CAPN9: variants seen among roughly 807,000 people sequenced by gnomAD.
CAPN9 encodes calpain-9.
Under a neutral mutation model 92.8 loss-of-function variants are expected in CAPN9, and 81 were observed. The ratio of observed to expected loss-of-function variants is 0.87; its 90% CI spans 0.73 to 1.05. The LOEUF (loss-of-function observed/expected upper bound fraction) is 1.05, where lower values mean the gene tolerates loss of function less well. Ranked by LOEUF, CAPN9 falls within the 50% of genes least tolerant of loss-of-function variation. CAPN9 has a pLI of 0.00. For missense variants in CAPN9, 848 were observed against 866.2 expected (o/e 0.98, Z 0.26); for synonymous variants, 304 against 328.0 (o/e 0.93, Z 0.79).
chr1:230,790,281 G>A, intron 14 of CAPN9, 92 bp downstream of exon 14: 1 of 1,527,404 alleles, frequency 6.5e-7, no homozygotes, highest in Non-Finnish European at 8.8e-7. Flanking sequence ...CCGAGCCGCA[G>A]ATCTGCTTCC....
chr1:230,767,139 A>G (rs577809753), intron 4 of CAPN9, among the ~76,000 whole-genome samples: 1 of 152,336 alleles, frequency 6.6e-6, no homozygotes, highest in Non-Finnish European at 1.5e-5. Flanking sequence ...ATGGGAGGTT[A>G]GAGAGTGAGA....
At chr1:230,769,535 T>G (rs1666239576) in intron 6 of CAPN9, among the ~76,000 whole-genome samples, 2 of 152,232 alleles carry the variant, frequency 1.3e-5, no homozygotes, top group Admixed American at 1.3e-4. Context: ...TCTCCTTCAG[T>G]CCTGTGTTAG....
At chr1:230,768,855 G>T (rs150893492) in intron 5 of CAPN9, among the ~76,000 whole-genome samples, 1 of 152,194 alleles carries the variant, frequency 6.6e-6, no homozygotes, top group Non-Finnish European at 1.5e-5. Flanking sequence ...TTCGTCTCTG[G>T]GATGTATGTG....
At chr1:230,765,229 A>G (rs1665902694) in intron 4 of CAPN9, among the ~76,000 whole-genome samples, 1 of 148,984 alleles carries the variant, frequency 6.7e-6, no homozygotes, top group Non-Finnish European at 1.5e-5. Flanking sequence ...ACACACACAC[A>G]CACACACACA....
chr1:230,800,527 G>A (rs1558124692), intron 19 of CAPN9, among the ~76,000 whole-genome samples: 2 of 152,076 alleles, frequency 1.3e-5, no homozygotes, highest in African/African-American at 2.4e-5. Flanking sequence ...CAGCTTCAAG[G>A]TAGAAGTGTG....
At chr1:230,747,830 A>C (rs546282578) in intron 1 of CAPN9, 121 bp downstream of exon 1, 1 of 820,898 alleles carries the variant, frequency 1.2e-6, no homozygotes, top group East Asian at 2.7e-5. Flanking sequence ...GAGGTGCATC[A>C]TCCCAGTCTA....
chr1:230,784,801 A>G (rs1053437415), intron 11 of CAPN9, among the ~76,000 whole-genome samples: 3 of 152,274 alleles, frequency 2.0e-5, no homozygotes, highest in African/African-American at 7.2e-5. Flanking sequence ...CAGAGTCCCC[A>G]CTGGGGTACT....
At chr1:230,768,037 TAAATAA>T (rs2102865106) in intron 5 of CAPN9, among the ~76,000 whole-genome samples, 1 of 108,276 alleles carries the variant, frequency 9.2e-6, no homozygotes, top group East Asian at 2.3e-4. Context: ...AATAAATAAA[TAAATAA>T]ATAAATAAAT....
intron 4 of CAPN9, among the ~76,000 whole-genome samples, chr1:230,765,751 G>C (rs1313529929): frequency 1.3e-5 from 2 of 152,180 alleles, no homozygotes; most frequent in African/African-American, 4.8e-5. Flanking sequence ...ATAAATGATT[G>C]TATAAATAAA....
At chr1:230,775,535 CA>C (rs1481091301) in intron 8 of CAPN9, among the ~76,000 whole-genome samples, 1 of 152,120 alleles carries the variant, frequency 6.6e-6, no homozygotes, top group Non-Finnish European at 1.5e-5. Flanking sequence ...CCTGTGAGAC[CA>C]CAAATTTCTG....
intron 16 of CAPN9, 140 bp downstream of exon 16, chr1:230,792,634 T>C: frequency 1.3e-6 from 1 of 790,154 alleles, no homozygotes; most frequent in Non-Finnish European, 2.2e-6. Flanking sequence ...AACAGCATCA[T>C]GCTATTCCGA....
intron 7 of CAPN9, among the ~76,000 whole-genome samples, chr1:230,772,980 C>A (rs1391007073): frequency 6.6e-6 from 1 of 151,854 alleles, no homozygotes; most frequent in Non-Finnish European, 1.5e-5. Context: ...GTTGCTCGTC[C>A]GCTGCTTGTT....
At chr1:230,750,455 T>A (rs763737544) in intron 1 of CAPN9, among the ~76,000 whole-genome samples, 1 of 152,158 alleles carries the variant, frequency 6.6e-6, no homozygotes, top group Non-Finnish European at 1.5e-5. Context: ...AAGCTTTACA[T>A]CATATCTTAC....
chr1:230,776,353 G>A (rs1321015176), intron 8 of CAPN9: 2 of 152,160 alleles, frequency 1.3e-5, no homozygotes, highest in East Asian at 1.9e-4. Flanking sequence ...TCGAGGGTTA[G>A]GATTCAACAT....
rs200084465 is a variant in CAPN9, at chr1:230,774,568, G to A, written c.890G>A (p.Arg297His). Residue 297 changes from arginine to histidine, a missense_variant, in exon 8 of 20, where the codon CGT becomes CAT. Transcript: ENST00000271971. ...TTTACTCCTAGTTCTCCGGAGTGGC[G>A]TTCTGTTGGTCCAGCTGAGCAGAAG... ...GSWSDSSPEW[R>H]SVGPAEQKRL... 53 of 1,613,528 alleles carry A rather than the reference G, an allele frequency of 3.3e-5. 1 individual carries two copies. Among genetic ancestry groups the A allele is most frequent in the East Asian group, 4.5e-5 (2 of 44,864 alleles).
Position 230,793,077 on chromosome 1 carries a change from G to A in CAPN9, c.1870+149G>A, listed in dbSNP as rs553892752. On this transcript the variant is annotated intron_variant, in intron 17 of 19. Transcript: ENST00000271971. ...TTCTTAAGGTCACGGCCCTTGGAGTGGTGGCACCAGGGTTCAGACCCAGGA... is the reference window on the plus strand; with the variant it reads ...TTCTTAAGGTCACGGCCCTTGGAGTAGTGGCACCAGGGTTCAGACCCAGGA... The A allele has an allele frequency of 7.4e-4, 481 of 649,670 alleles. 1 individual carries two copies. Among genetic ancestry groups the A allele is most frequent in the Middle Eastern group, 2.0e-3 (5 of 2,464 alleles). 40.2% of individuals were successfully genotyped at this position (649,670 alleles called of 1,614,324 possible). A position where few individuals can be genotyped will look rare whatever the true frequency, so the allele number is the denominator to read the frequency against.
intron 19 of CAPN9, among the ~76,000 whole-genome samples, chr1:230,800,285 AGAAAGAAAGAAAGAAAGAAAGGAAAAAC>A (rs1668632170): frequency 3.9e-5 from 5 of 127,402 alleles, no homozygotes; most frequent in African/African-American, 1.5e-4. Flanking sequence ...AAAGAAAGAA[AGAAAGAAAGAAAGAAAGAAAGGAAAAAC>A]AAGAGAGACC....
intron 18 of CAPN9, among the ~76,000 whole-genome samples, chr1:230,796,704 G>C (rs1668382656): frequency 6.6e-6 from 1 of 152,168 alleles, no homozygotes. Flanking sequence ...TCCGTTATTA[G>C]ACTTACAGGG....
At chr1:230,761,558 A>G (rs1665643426) in intron 3 of CAPN9, among the ~76,000 whole-genome samples, 1 of 151,482 alleles carries the variant, frequency 6.6e-6, no homozygotes, top group African/African-American at 2.4e-5. Context: ...TCCTTAAAAC[A>G]CACACACACA....
Sources: allele counts gnomAD v4.1 joint callset (sites outside exome capture counted in the v4.1 genomes callset), GRCh38; gene constraint gnomAD v4.1.1; transcripts MANE v1.5; gene names NCBI Gene and HGNC (gene_info 2026-07-23, HGNC 2026-07-21).